The following GGA1 variants were observed in gnomAD, a reference collection of about 807,000 sequenced individuals.
GGA1 encodes golgi associated, gamma adaptin ear containing, ARF binding protein 1.
GGA1 carries 18 observed loss-of-function variants against 76.9 expected under a neutral mutation model. The ratio of observed to expected loss-of-function variants is 0.23; its 90% CI spans 0.16 to 0.35. The LOEUF (loss-of-function observed/expected upper bound fraction) is 0.35. Among genes scored for constraint, GGA1 ranks in the 10% least tolerant of loss-of-function variants. GGA1 has a pLI of 1.00. For missense variants in GGA1, 755 were observed against 859.0 expected (o/e 0.88, Z 1.51); for synonymous variants, 342 against 354.7 (o/e 0.96, Z 0.40).
chr22:37,626,631 C>T (rs762832163), intron 11 of GGA1: 2 of 152,284 alleles, frequency 1.3e-5, no homozygotes, highest in Admixed American at 1.3e-4. Flanking sequence ...AAGGAATCCT[C>T]AGGGATATGT....
At position 37,625,805 on chromosome 22, in the gene GGA1, T is replaced by A; in HGVS notation, c.949T>A (p.Ser317Thr). Residue 317 changes from serine to threonine, a missense_variant, in exon 11 of 17, where the codon TCG (serine) becomes ACG (threonine). Transcript: ENST00000343632. The surrounding 1 kb of genome is among the most constrained non-coding windows in gnomAD (Gnocchi z 4.1). ...ATAGSIPGSTSALLDLSGLDL... is the reference protein window; with the variant it reads ...ATAGSIPGSTTALLDLSGLDL... ...CTTCTTTCCCACCCCAGGGAGCACC[T>A]CGGCCCTGCTGGATCTCTCAGGCCT... 1 of 1,582,286 alleles carries A rather than the reference T, an allele frequency of 6.3e-7. No individual in the cohort carries two copies. The highest frequency in any genetic ancestry group is 1.7e-5 in the Admixed American group (1 of 57,414).
chr22:37,614,206 C>T lies in GGA1; in HGVS notation c.60C>T (p.Pro20=). ...LEARINRATN[P]LNKELDWASI... ...CTCTTCCAGATAGAGCCACGAACCC[C>T]CTGAACAAGGAGCTCGACTGGGCCA... The change falls in exon 2 of 17, where the codon CCC becomes CCT. Residue 20 remains proline, a synonymous_variant. Coordinates refer to ENST00000343632, the MANE Select transcript of GGA1 (RefSeq NM_013365.5). The T allele has an allele frequency of 6.2e-7, 1 of 1,613,546 alleles. No individual in the cohort carries two copies. The highest frequency in any genetic ancestry group is 8.5e-7 in the Non-Finnish European group (1 of 1,179,632).
chr22:37,610,992 G>A (rs996948325), intron 1 of GGA1, among the ~76,000 whole-genome samples: 17 of 152,216 alleles, frequency 1.1e-4, no homozygotes, highest in African/African-American at 3.9e-4. Flanking sequence ...TCCAGAATCA[G>A]CTTCTCTGAC....
chr22:37,623,669 C>A lies in GGA1; in HGVS notation c.832+36C>A, dbSNP rs752730817. On this transcript the variant is annotated intron_variant, in intron 9 of 16. Transcript: ENST00000343632. The surrounding 1 kb of genome is among the most constrained non-coding windows in gnomAD (Gnocchi z 4.6). ...GGCAGGTGCTGAGGTCAGGTCCCCCCCTCTCCCTCCACCTCCTGCCCCCAC... is the reference window on the plus strand; with the variant it reads ...GGCAGGTGCTGAGGTCAGGTCCCCCACTCTCCCTCCACCTCCTGCCCCCAC... 2.2e-6 allele frequency: 3 copies of A among 1,375,888 alleles called. No individual in the cohort carries two copies. Among genetic ancestry groups the A allele is most frequent in the Middle Eastern group, 2.3e-4 (1 of 4,268 alleles). The allele number at this position is 1,375,888 out of a possible 1,614,324, so 85.2% of individuals were successfully genotyped here.
Position 37,625,812 on chromosome 22 carries a change from T to C in GGA1, c.956T>C (p.Leu319Pro). The change falls in exon 11 of 17, where the codon CTG (leucine) becomes CCG (proline). Residue 319 changes from leucine (L) to proline (P), a missense_variant. Transcript: ENST00000343632. The surrounding 1 kb of genome is among the most constrained non-coding windows in gnomAD (Gnocchi z 4.1). ...CCCACCCCAGGGAGCACCTCGGCCC[T>C]GCTGGATCTCTCAGGCCTGGATCTC... ...AGSIPGSTSALLDLSGLDLPP... is the reference protein window; with the variant it reads ...AGSIPGSTSAPLDLSGLDLPP... 4 of 1,595,962 alleles carry C rather than the reference T, an allele frequency of 2.5e-6. No homozygotes were observed. The highest frequency in any genetic ancestry group is 3.4e-6 in the Non-Finnish European group (4 of 1,168,842).
chr22:37,611,968 A>G (rs3207102), intron 1 of GGA1, among the ~76,000 whole-genome samples: 1 of 152,102 alleles, frequency 6.6e-6, no homozygotes, highest in African/African-American at 2.4e-5. Context: ...CCTGACCAAC[A>G]TGGTGAAATT....
At chr22:37,630,821 G>T (rs1931669245) in intron 13 of GGA1, 82 bp from the exon 14 acceptor site, 2 of 973,034 alleles carry the variant, frequency 2.1e-6, no homozygotes, top group Non-Finnish European at 1.6e-6. Context: ...GCCCGCCTCA[G>T]CCTCCCAAAG....
At chr22:37,611,237 G>A (rs1206704818) in intron 1 of GGA1, among the ~76,000 whole-genome samples, 1 of 152,008 alleles carries the variant, frequency 6.6e-6, no homozygotes, top group Non-Finnish European at 1.5e-5. Context: ...GGGACTAGAG[G>A]GTCTTGTGGA....
At chr22:37,617,026 C>T (rs757639107) in intron 3 of GGA1, 29 bp downstream of exon 3, 64 of 1,579,524 alleles carry the variant, frequency 4.1e-5, no homozygotes, top group Non-Finnish European at 5.2e-5. Context: ...ACCATCCGTC[C>T]CCCGCCATGT....
At chr22:37,629,363 A>T in intron 11 of GGA1, 99 bp from the exon 12 acceptor site, 1 of 779,126 alleles carries the variant, frequency 1.3e-6, no homozygotes, top group Admixed American at 2.7e-5. Flanking sequence ...AGCCTCAGAA[A>T]GGGGTAGGGA....
chr22:37,616,802 T>C (rs1601515320), intron 2 of GGA1, 120 bp from the exon 3 acceptor site: 2 of 1,283,436 alleles, frequency 1.6e-6, no homozygotes, highest in Non-Finnish European at 1.0e-6. Flanking sequence ...GTGGTGACCC[T>C]CCCCTAGGGC....
intron 4 of GGA1, chr22:37,619,986 A>G: frequency 3.2e-6 from 2 of 621,916 alleles, no homozygotes; most frequent in Non-Finnish European, 5.8e-6. Flanking sequence ...CCCTCATGTC[A>G]GTTCTGCATC....
chr22:37,611,501 A>T (rs1259458671), intron 1 of GGA1, among the ~76,000 whole-genome samples: 3 of 152,196 alleles, frequency 2.0e-5, no homozygotes, highest in Non-Finnish European at 4.4e-5. Context: ...TGGGCAGTGA[A>T]CTTGAGGAGG....
intron 11 of GGA1, 187 bp downstream of exon 11, chr22:37,626,136 G>T: frequency 7.0e-6 from 3 of 428,446 alleles, no homozygotes; most frequent in Non-Finnish European, 1.2e-5. Context: ...CTTGTGCGAG[G>T]CCACACGGCC....
intron 11 of GGA1, among the ~76,000 whole-genome samples, chr22:37,627,692 C>T (rs924933509): frequency 3.9e-5 from 6 of 152,222 alleles, no homozygotes; most frequent in Non-Finnish European, 7.3e-5. Flanking sequence ...TTCCTGTCCC[C>T]GCACTGCACT....
intron 4 of GGA1, chr22:37,619,979 T>C: frequency 1.6e-6 from 1 of 624,334 alleles, no homozygotes. Flanking sequence ...GGCCTGTCCC[T>C]CATGTCAGTT....
chr22:37,608,858 C>T lies in GGA1; in HGVS notation c.-3C>T, dbSNP rs1412692346. On this transcript the variant is annotated 5_prime_UTR_variant, in exon 1 of 17. Transcript: ENST00000343632. Reference sequence around the variant, plus strand: ...CGGTGCCGAGGCTGGGGGCCGGTGGCGGATGGAGCCCGCGATGGAGCCGGA... The same window carrying T: ...CGGTGCCGAGGCTGGGGGCCGGTGGTGGATGGAGCCCGCGATGGAGCCGGA... 21 of 1,305,634 alleles carry T rather than the reference C, an allele frequency of 1.6e-5. No individual in the cohort carries two copies. The South Asian group carries it at 4.3e-4, about 27-fold the overall frequency. The allele number at this position is 1,305,634 out of a possible 1,614,324, so 80.9% of individuals were successfully genotyped here. A position where few individuals can be genotyped will look rare whatever the true frequency, so the allele number is the denominator to read the frequency against.
chr22:37,630,229 C>A, intron 13 of GGA1, 59 bp downstream of exon 13: 2 of 1,286,552 alleles, frequency 1.6e-6, no homozygotes, highest in Admixed American at 2.4e-5. Flanking sequence ...CACAAACCAG[C>A]AACTTCTCCT....
intron 2 of GGA1, among the ~76,000 whole-genome samples, chr22:37,614,662 C>T (rs1928407937): frequency 6.6e-6 from 1 of 152,204 alleles, no homozygotes; most frequent in South Asian, 2.1e-4. Context: ...CAAGGACGAA[C>T]CAGAACTACC....
Sources: gnomAD v4.1 joint callset for allele counts (sites outside exome capture counted in the v4.1 genomes callset) on GRCh38, gnomAD v4.1.1 for gene constraint, Gnocchi (gnomAD v3.1) non-coding constraint, MANE v1.5 for transcripts, NCBI Gene and HGNC (gene_info 2026-07-23, HGNC 2026-07-21) for gene names.